Variants in ACOT11 observed in about 807,000 individuals in gnomAD.
ACOT11 encodes the protein acyl-coenzyme A thioesterase 11.
ACOT11 carries 69 observed loss-of-function variants against 77.5 expected under a neutral mutation model. The observed-to-expected ratio is 0.89, with a 90% CI of 0.73 to 1.09. ACOT11 has a LOEUF of 1.09. Ranked by LOEUF, ACOT11 falls within the 50% of genes least tolerant of loss-of-function variation. The probability of loss-of-function intolerance (pLI) is 0.00; values close to 1 mark genes in which losing one functional copy is unlikely to be tolerated. For missense variants in ACOT11, 766 were observed against 813.7 expected (o/e 0.94, Z 0.71); for synonymous variants, 279 against 313.0 (o/e 0.89, Z 1.15).
At chr1:54,616,410 C>T (rs1569792571) in intron 15 of ACOT11, among the ~76,000 whole-genome samples, 1 of 151,788 alleles carries the variant, frequency 6.6e-6, no homozygotes, top group African/African-American at 2.4e-5. Flanking sequence ...ATCGCCCAGG[C>T]TGGAGTGCAG....
In ACOT11 at chr1:54,607,018, G is replaced by A; in HGVS notation, c.1371-116G>A. On this transcript the variant is annotated intron_variant, in intron 13 of 15. Coordinates refer to ENST00000343744, the MANE Select transcript of ACOT11 (RefSeq NM_147161.4). The surrounding 1 kb of genome is among the most constrained non-coding windows in gnomAD (Gnocchi z 4.5). ...GCCCTTGCTGAGCAGTACAGGGGGT[G>A]ACATCCCATCACAGAAGCTGCTCAG... 7.0e-7 allele frequency: 1 copy of A among 1,438,588 alleles called. No individual in the cohort carries two copies. Among genetic ancestry groups the A allele is most frequent in the Non-Finnish European group, 9.4e-7 (1 of 1,060,264 alleles). 89.1% of individuals were successfully genotyped at this position (1,438,588 alleles called of 1,614,324 possible). A position where few individuals can be genotyped will look rare whatever the true frequency, so the allele number is the denominator to read the frequency against.
rs370920779 is a variant in ACOT11, at chr1:54,609,042, C to A, written c.1715C>A (p.Thr572Asn). Reference sequence around the variant, plus strand: ...GGCCTCTCCTCTGAGTTCTACACCACCTTCAAGGCTTGTGAGCAGTTTCTC... The same window carrying A: ...GGCCTCTCCTCTGAGTTCTACACCAACTTCAAGGCTTGTGAGCAGTTTCTC... ...VAGLSSEFYT[T>N]FKACEQFLLD... The change falls in exon 16 of 16, where the codon ACC becomes AAC. Residue 572 changes from threonine to asparagine, a missense_variant. By Grantham distance (65) the Thr-to-Asn change is moderately conservative (BLOSUM62 0). Transcript: ENST00000343744. The A allele has an allele frequency of 1.5e-5, 25 of 1,614,072 alleles. No homozygotes were observed. Among genetic ancestry groups the A allele is most frequent in the Non-Finnish European group, 1.9e-5 (23 of 1,180,024 alleles).
chr1:54,553,991 T>C (rs889280091), intron 1 of ACOT11, among the ~76,000 whole-genome samples: 38 of 151,842 alleles, frequency 2.5e-4, no homozygotes, highest in African/African-American at 9.0e-4. Context: ...CTGGGCAACA[T>C]GGCAAAACCC....
chr1:54,591,607 C>T (rs60146370), intron 3 of ACOT11, among the ~76,000 whole-genome samples: 7,850 of 152,276 alleles, frequency 0.052, 651 homozygotes, highest in African/African-American at 0.18. Flanking sequence ...TGAACAGGGC[C>T]GGCCTTTAGC....
At chr1:54,565,075 G>A in intron 1 of ACOT11, among the ~76,000 whole-genome samples, 1 of 152,104 alleles carries the variant, frequency 6.6e-6, no homozygotes, top group East Asian at 1.9e-4. Context: ...ACCACCCCAG[G>A]CCCTCCTTGG....
intron 11 of ACOT11, 34 bp from the exon 12 acceptor site, chr1:54,604,312 G>GC: frequency 6.3e-7 from 1 of 1,598,798 alleles, no homozygotes; most frequent in Non-Finnish European, 8.6e-7. Flanking sequence ...AAGGAAGGGG[G>GC]TGGGGTAGTG....
At chr1:54,592,428 T>C (rs1654744131) in intron 3 of ACOT11, 118 bp from the exon 4 acceptor site, 3 of 982,302 alleles carry the variant, frequency 3.1e-6, no homozygotes, top group African/African-American at 3.3e-5. Flanking sequence ...GAATATGCCC[T>C]GCAAGCCATG....
chr1:54,564,065 CA>C (rs1229856632), intron 1 of ACOT11, among the ~76,000 whole-genome samples: 1,235 of 120,326 alleles, frequency 0.01, 10 homozygotes, highest in Middle Eastern at 0.035. Flanking sequence ...AACTCCATCT[CA>C]AAAAAAAAAA....
At chr1:54,633,428 C>G (rs1644312622) in intron 16 of ACOT11, among the ~76,000 whole-genome samples, 1 of 152,212 alleles carries the variant, frequency 6.6e-6, no homozygotes, top group South Asian at 2.1e-4. Flanking sequence ...GGATTGCCTT[C>G]TCCTGCTATA....
chr1:54,559,396 C>T (rs907868728), intron 1 of ACOT11, among the ~76,000 whole-genome samples: 3 of 152,170 alleles, frequency 2.0e-5, no homozygotes, highest in Non-Finnish European at 2.9e-5. Flanking sequence ...CGGGAGCCTT[C>T]GGAGAGCTGC....
At chr1:54,596,813 G>T (rs1028687989) in intron 6 of ACOT11, among the ~76,000 whole-genome samples, 6 of 152,130 alleles carry the variant, frequency 3.9e-5, no homozygotes, top group Non-Finnish European at 5.9e-5. Flanking sequence ...GGCCTCAAGG[G>T]ATCTACCCTC....
intron 1 of ACOT11, among the ~76,000 whole-genome samples, chr1:54,549,932 G>A (rs1653004372): frequency 6.6e-6 from 1 of 152,180 alleles, no homozygotes; most frequent in Admixed American, 6.5e-5. Flanking sequence ...TGGGGGCAAG[G>A]CACTGGGGAA....
intron 1 of ACOT11, among the ~76,000 whole-genome samples, chr1:54,551,721 G>T (rs1354113496): frequency 2.7e-5 from 4 of 146,680 alleles, no homozygotes; most frequent in African/African-American, 1.1e-4. Flanking sequence ...TTTTGTTTTT[G>T]TTTTTGTTTT....
rs1417428927 is a variant in ACOT11 at position 54,627,828 on chromosome 1, A to G, written c.1630-2906A>G. Among the ~76,000 whole-genome samples the G allele has an allele frequency of 2.3e-5, 3 of 133,094 alleles. 1 individual carries two copies. The highest frequency in any genetic ancestry group is 5.1e-5 in the African/African-American group (2 of 39,208). The allele number at this position is 133,094 out of a possible 152,430, so 87.3% of individuals were successfully genotyped here. On this transcript the variant is annotated intron_variant, in intron 15 of 16. Coordinates refer to the ACOT11 transcript ENST00000371316. ...ACGGGGGCTAGGGAAGACCTTCCAG[A>G]CAAAGGGTGCAGTGTGTGTGGGAGA...
chr1:54,571,079 T>C (rs1653916410), intron 1 of ACOT11, among the ~76,000 whole-genome samples: 1 of 144,186 alleles, frequency 6.9e-6, no homozygotes, highest in African/African-American at 2.8e-5. Flanking sequence ...CTCTTTTTTT[T>C]TTTTTTTTAA....
chr1:54,549,392 G>A (rs11805304), intron 1 of ACOT11, among the ~76,000 whole-genome samples: 1,871 of 152,152 alleles, frequency 0.012, 39 homozygotes, highest in African/African-American at 0.042. Context: ...CAGCCATAGT[G>A]AGCTGCTCTC....
At chr1:54,613,852 A>ATGGATGGAGGAAGAGC (rs1553165582), downstream of ACOT11, among the ~76,000 whole-genome samples, 1 of 152,182 alleles carries the variant, frequency 6.6e-6, no homozygotes, top group African/African-American at 2.4e-5. Flanking sequence ...GGAGGAAGAG[A>ATGGATGGAGGAAGAGC]TGGATGGGAA....
intron 1 of ACOT11, 92 bp downstream of exon 1, chr1:54,548,434 A>G: frequency 1.4e-6 from 2 of 1,432,274 alleles, no homozygotes; most frequent in Non-Finnish European, 1.9e-6. Context: ...GACGCTCTGC[A>G]TCTCCTCACA....
In ACOT11 at chr1:54,576,796, T is replaced by A. The variant is rs1312412286; in HGVS notation, c.34-7859T>A. On this transcript the variant is annotated intron_variant, in intron 1 of 15. Transcript: ENST00000343744. ...GGAGGTGTGGGCGAGACTGGAGGTG[T>A]GGGCAGGGGTGGCCCATGAAGGGCC... 9.2e-5 allele frequency among the ~76,000 whole-genome samples: 14 copies of A among 152,060 alleles called. No individual in the cohort carries two copies. The East Asian group carries it at 2.7e-3, about 29-fold the overall frequency.
Sources: gnomAD v4.1 joint callset for allele counts (sites outside exome capture counted in the v4.1 genomes callset) on GRCh38, gnomAD v4.1.1 for gene constraint, Gnocchi (gnomAD v3.1) non-coding constraint, MANE v1.5 for transcripts, NCBI Gene and HGNC (gene_info 2026-07-23, HGNC 2026-07-21) for gene names.